Variants in STEAP1B observed in about 807,000 individuals in gnomAD.
The protein encoded by STEAP1B is STEAP family member 1B.
In STEAP1B, 13 loss-of-function variants were observed where a neutral mutation model predicts 27.9. That is an observed-to-expected ratio of 0.47 (90% CI 0.30 to 0.74). The LOEUF is 0.74. STEAP1B is among the 30% of genes least tolerant of loss of function. The probability of loss-of-function intolerance (pLI) is 0.06; values close to 1 mark genes in which losing one functional copy is unlikely to be tolerated. For synonymous variants in STEAP1B, 86 were observed against 107.1 expected, an observed-to-expected ratio of 0.80 and a Z score of 1.22; for missense variants, 250 against 298.7, an observed-to-expected ratio of 0.84 and a Z score of 1.20.
intron 4 of STEAP1B, among the ~76,000 whole-genome samples, chr7:22,441,462 T>C (rs564883088): frequency 1.3e-5 from 2 of 152,254 alleles, no homozygotes; most frequent in South Asian, 2.1e-4. Flanking sequence ...AAAATTGAGA[T>C]GGGGAAGAGG....
At chr7:22,423,549 G>A (rs1385614488) in intron 4 of STEAP1B, among the ~76,000 whole-genome samples, 6 of 152,170 alleles carry the variant, frequency 3.9e-5, no homozygotes, top group Non-Finnish European at 7.3e-5. Context: ...TATATGAAAC[G>A]TCCAGGAATA....
chr7:22,440,945 G>A (rs538988201), intron 4 of STEAP1B, among the ~76,000 whole-genome samples: 1 of 149,790 alleles, frequency 6.7e-6, no homozygotes, highest in East Asian at 1.9e-4. Context: ...ATTTTAAAAA[G>A]TAGAATATTA....
At chr7:22,456,995 T>C (rs1205525009) in intron 4 of STEAP1B, among the ~76,000 whole-genome samples, 1 of 142,196 alleles carries the variant, frequency 7.0e-6, no homozygotes, top group East Asian at 2.1e-4. Flanking sequence ...TTAAGTATCC[T>C]GGGTGGTTCT....
At chr7:22,456,117 G>A (rs1042582900) in intron 4 of STEAP1B, among the ~76,000 whole-genome samples, 4 of 151,702 alleles carry the variant, frequency 2.6e-5, no homozygotes, top group African/African-American at 4.8e-5. Flanking sequence ...ACTGCCCTCC[G>A]GCCTGGGCAA....
intron 4 of STEAP1B, among the ~76,000 whole-genome samples, chr7:22,421,743 A>G (rs1196468444): frequency 6.6e-6 from 1 of 152,248 alleles, no homozygotes; most frequent in Admixed American, 6.5e-5. Context: ...ATGAATCATT[A>G]GCATTCAGAA....
intron 4 of STEAP1B, among the ~76,000 whole-genome samples, chr7:22,482,554 T>C (rs770151305): frequency 1.3e-5 from 2 of 152,300 alleles, no homozygotes; most frequent in South Asian, 2.1e-4. Flanking sequence ...TGCACCATAG[T>C]AGACCCACAA....
chr7:22,494,950 C>T, intron 1 of STEAP1B, 64 bp from the exon 2 acceptor site: 1 of 854,050 alleles, frequency 1.2e-6, no homozygotes, highest in Non-Finnish European at 1.7e-6. Flanking sequence ...TCTGATGTAA[C>T]AATATAAAAA....
intron 4 of STEAP1B, among the ~76,000 whole-genome samples, chr7:22,433,218 C>T (rs1785213076): frequency 6.6e-6 from 1 of 152,140 alleles, no homozygotes; most frequent in South Asian, 2.1e-4. Context: ...AGACAGAGAA[C>T]CTGGTAATTT....
chr7:22,494,495 C>G (rs1000596729), intron 2 of STEAP1B, among the ~76,000 whole-genome samples: 7 of 150,916 alleles, frequency 4.6e-5, no homozygotes, highest in African/African-American at 1.7e-4. Context: ...TGGGGATGAT[C>G]TGGTCCAAGG....
chr7:22,424,050 A>G (rs2128398410), intron 4 of STEAP1B, among the ~76,000 whole-genome samples: 2 of 152,272 alleles, frequency 1.3e-5, no homozygotes, highest in African/African-American at 4.8e-5. Context: ...AAATAATAAA[A>G]TAAGTGAATT....
intron 4 of STEAP1B, among the ~76,000 whole-genome samples, chr7:22,472,369 C>T (rs139002870): frequency 6.6e-6 from 1 of 152,228 alleles, no homozygotes; most frequent in Non-Finnish European, 1.5e-5. Flanking sequence ...GAAGGCAGGC[C>T]GGACACTCCT....
At chr7:22,478,236 G>A (rs974932173) in intron 4 of STEAP1B, among the ~76,000 whole-genome samples, 1 of 152,220 alleles carries the variant, frequency 6.6e-6, no homozygotes, top group Non-Finnish European at 1.5e-5. Context: ...TATTGTTTAA[G>A]AAGTCTGGGG....
intron 4 of STEAP1B, among the ~76,000 whole-genome samples, chr7:22,457,534 T>C (rs1300923128): frequency 6.6e-6 from 1 of 152,214 alleles, no homozygotes; most frequent in Non-Finnish European, 1.5e-5. Flanking sequence ...CTAGGAAATT[T>C]GTTCCTGAGG....
At chr7:22,447,022 A>C (rs1785419334) in intron 4 of STEAP1B, among the ~76,000 whole-genome samples, 1 of 152,164 alleles carries the variant, frequency 6.6e-6, no homozygotes, top group African/African-American at 2.4e-5. Flanking sequence ...GCATCAAAAG[A>C]CTCATTTTAA....
intron 4 of STEAP1B, among the ~76,000 whole-genome samples, chr7:22,491,019 A>G (rs1786312295): frequency 6.6e-6 from 1 of 152,260 alleles, no homozygotes; most frequent in African/African-American, 2.4e-5. Context: ...GTAGGAGTAT[A>G]TAACTGTTGG....
intron 4 of STEAP1B, among the ~76,000 whole-genome samples, chr7:22,449,802 C>G (rs1785459236): frequency 6.6e-6 from 1 of 152,212 alleles, no homozygotes; most frequent in African/African-American, 2.4e-5. Flanking sequence ...TCTTTGCCAG[C>G]ATTTGTTATT....
intron 4 of STEAP1B, among the ~76,000 whole-genome samples, chr7:22,447,938 A>C (rs1451104112): frequency 1.3e-5 from 2 of 152,222 alleles, no homozygotes; most frequent in African/African-American, 4.8e-5. Flanking sequence ...AAAGACATGA[A>C]GGCATTGGAT....
chr7:22,419,645 T>C lies in STEAP1B; in HGVS notation c.*159A>G. The C allele has an allele frequency of 1.4e-6, 1 of 707,186 alleles. No individual in the cohort carries two copies. Among genetic ancestry groups the C allele is most frequent in the South Asian group, 2.6e-5 (1 of 38,136 alleles). The allele number at this position is 707,186 out of a possible 1,614,324, so 43.8% of individuals were successfully genotyped here. The stretch of plus-strand genomic sequence containing the variant: ...GAGTCCGCTGGGGGATCCACTCATC[T>C]GCCCTGCCGGATCCATGTTGACAGA... On this transcript the variant is annotated 3_prime_UTR_variant, in exon 5 of 5. Transcript: ENST00000678116.
At position 22,442,351 on chromosome 7, in the gene STEAP1B, G is replaced by A. The variant is rs777433105; in HGVS notation, c.763-22515C>T. ...GATGCAAGAAGTCAAGACGACAAAC[G>A]TGTTTCTCCCAGCTAATAACAGTGG... On this transcript the variant is annotated intron_variant, in intron 4 of 4. Transcript: ENST00000678116. 2.5e-4 allele frequency among the ~76,000 whole-genome samples: 38 copies of A among 152,350 alleles called. 1 individual carries two copies. The highest frequency in any genetic ancestry group is 3.9e-4 in the East Asian group (2 of 5,190).
Sources: allele counts gnomAD v4.1 joint callset (sites outside exome capture counted in the v4.1 genomes callset), GRCh38; gene constraint gnomAD v4.1.1; transcripts MANE v1.5; gene names NCBI Gene and HGNC (gene_info 2026-07-23, HGNC 2026-07-21).